WASF3: variants seen among roughly 807,000 people sequenced by gnomAD.
The protein encoded by WASF3 is actin-binding protein WASF3.
Under a neutral mutation model 46.6 loss-of-function variants are expected in WASF3, and 11 were observed. That is an observed-to-expected ratio of 0.24 (90% CI 0.15 to 0.39). The LOEUF is 0.39. Ranked by LOEUF, WASF3 falls within the 10% of genes least tolerant of loss-of-function variation. The probability of loss-of-function intolerance (pLI) is 1.00; values close to 1 mark genes in which losing one functional copy is unlikely to be tolerated. For missense variants in WASF3, 576 were observed against 669.8 expected (o/e 0.86, Z 1.55); for synonymous variants, 242 against 259.7 (o/e 0.93, Z 0.65).
chr13:26,664,183 G>A (rs1882707612), intron 3 of WASF3, among the ~76,000 whole-genome samples: 1 of 152,194 alleles, frequency 6.6e-6, no homozygotes. Context: ...TTCTTCCTGG[G>A]AGGTTCAGGT....
intron 1 of WASF3, chr13:26,577,420 T>C: frequency 1.3e-6 from 1 of 790,650 alleles, no homozygotes; most frequent in East Asian, 2.4e-5. Flanking sequence ...TGCAGAAAAA[T>C]GACTTGAAAG....
chr13:26,664,717 T>TA (rs1882721286), intron 3 of WASF3, among the ~76,000 whole-genome samples: 2 of 152,248 alleles, frequency 1.3e-5, no homozygotes, highest in Non-Finnish European at 2.9e-5. Flanking sequence ...TATTTACACT[T>TA]AAAGCGTGAA....
At chr13:26,621,308 A>G (rs1339588685) in intron 2 of WASF3, among the ~76,000 whole-genome samples, 1 of 152,220 alleles carries the variant, frequency 6.6e-6, no homozygotes, top group Non-Finnish European at 1.5e-5. Flanking sequence ...TAGCTAAAGC[A>G]TCATGAAAAC....
At chr13:26,675,035 CG>C (rs1883023097) in intron 6 of WASF3, among the ~76,000 whole-genome samples, 1 of 152,166 alleles carries the variant, frequency 6.6e-6, no homozygotes, top group African/African-American at 2.4e-5. Context: ...CCTCTGAAAA[CG>C]GTCCAGTTTT....
intron 6 of WASF3, among the ~76,000 whole-genome samples, chr13:26,675,151 G>A (rs983232596): frequency 1.3e-5 from 2 of 151,968 alleles, no homozygotes; most frequent in Non-Finnish European, 2.9e-5. Flanking sequence ...TTTGTTTTCT[G>A]TAACACAGAG....
chr13:26,681,569 T>C (rs775831146), intron 8 of WASF3, among the ~76,000 whole-genome samples: 1 of 152,204 alleles, frequency 6.6e-6, no homozygotes, highest in East Asian at 1.9e-4. Flanking sequence ...TCTGGGTGTT[T>C]GAATGGCTCT....
rs147150601 is a variant in WASF3, at chr13:26,654,314, T to C, written c.134-10714T>C. ...AGGTTCTTTCCCTAGATATTCATCT[T>C]CCCCCTCTTCAGTCACTTGATACCA... is the stretch of plus-strand genomic sequence containing the variant. On this transcript the variant is annotated intron_variant, in intron 3 of 9. Transcript: ENST00000335327. Among the ~76,000 whole-genome samples, 855 of 152,282 alleles carry C rather than the reference T, an allele frequency of 5.6e-3. 6 individuals are homozygous for C. Among genetic ancestry groups the C allele is most frequent in the Middle Eastern group, 6.8e-3 (2 of 294 alleles).
chr13:26,636,403 C>T (rs1338397377), intron 2 of WASF3, among the ~76,000 whole-genome samples: 1 of 152,198 alleles, frequency 6.6e-6, no homozygotes, highest in Non-Finnish European at 1.5e-5. Flanking sequence ...CCTGTTTTTC[C>T]AGGTAGTCTG....
intron 7 of WASF3, among the ~76,000 whole-genome samples, chr13:26,680,402 G>A (rs1439164307): frequency 1.3e-5 from 2 of 152,096 alleles, no homozygotes; most frequent in Admixed American, 1.3e-4. Context: ...CAGGAATCCC[G>A]TCCCTGCACC....
At chr13:26,622,457 G>A (rs115159214) in intron 2 of WASF3, among the ~76,000 whole-genome samples, 2,569 of 152,326 alleles carry the variant, frequency 0.017, 37 homozygotes, top group African/African-American at 0.045. Context: ...GTGGGCTTCA[G>A]TTTATTTGCC....
At chr13:26,570,392 A>G (rs954809855) in intron 1 of WASF3, among the ~76,000 whole-genome samples, 6 of 152,226 alleles carry the variant, frequency 3.9e-5, no homozygotes, top group Non-Finnish European at 5.9e-5. Flanking sequence ...CCGTAGTTTC[A>G]GAGAAGTGTC....
chr13:26,686,973 A>G lies in WASF3; in HGVS notation c.*1128A>G, dbSNP rs1337771167. On this transcript the variant is annotated 3_prime_UTR_variant, in exon 10 of 10. Transcript: ENST00000335327. ...GGCCTTCACCCTGTTCTAGAAGCAC[A>G]TGGTTGTCCTCCTGTTGTTGGCACA... 6.6e-6 allele frequency: 1 copy of G among 152,320 alleles called. No homozygotes were observed. Among genetic ancestry groups the G allele is most frequent in the Non-Finnish European group, 1.5e-5 (1 of 68,110 alleles). 9.4% of individuals were successfully genotyped at this position (152,320 alleles called of 1,614,324 possible). A position where few individuals can be genotyped will look rare whatever the true frequency, so the allele number is the denominator to read the frequency against.
chr13:26,662,481 G>A (rs1315903910), intron 3 of WASF3, among the ~76,000 whole-genome samples: 1 of 152,182 alleles, frequency 6.6e-6, no homozygotes, highest in Non-Finnish European at 1.5e-5. Context: ...GAAGAATGAA[G>A]TCATGTCTTT....
chr13:26,604,811 C>T (rs1202438871), intron 1 of WASF3, among the ~76,000 whole-genome samples: 1 of 152,190 alleles, frequency 6.6e-6, no homozygotes, highest in Admixed American at 6.5e-5. Flanking sequence ...ATCTCAAGGG[C>T]CTCCCTGGAA....
chr13:26,578,062 C>G (rs528853830), intron 1 of WASF3, among the ~76,000 whole-genome samples: 1 of 152,290 alleles, frequency 6.6e-6, no homozygotes, highest in South Asian at 2.1e-4. Flanking sequence ...ATGAAATTGA[C>G]TAGCAAGACA....
At chr13:26,568,189 C>T (rs1319858859) in intron 1 of WASF3, among the ~76,000 whole-genome samples, 1 of 152,096 alleles carries the variant, frequency 6.6e-6, no homozygotes, top group African/African-American at 2.4e-5. Context: ...TGAGCAGGGA[C>T]ATGATACCAT....
chr13:26,684,158 C>G (rs933807044), intron 9 of WASF3, among the ~76,000 whole-genome samples: 8 of 152,152 alleles, frequency 5.3e-5, no homozygotes, highest in Non-Finnish European at 1.0e-4. Context: ...CCAGGGTCCT[C>G]TGTGTACCTG....
rs762542009 is a variant in WASF3, at chr13:26,665,074, C to A, written c.180C>A (p.Asn60Lys). The part of the protein sequence containing the change: ...DIFGELFNEA[N>K]NFYIRANSLQ... ...TTGGTGAGTTGTTTAATGAGGCTAA[C>A]AACTTCTACATCAGAGCAAATTCTC... The change falls in exon 4 of 10, where the codon AAC becomes AAA. Residue 60 changes from asparagine (N) to lysine (K), a missense_variant. By Grantham distance (94) the Asn-to-Lys change is moderately conservative. Around this residue, in one of 3 missense-constraint regions of WASF3, gnomAD observed 213 missense variants for 278.0 expected, o/e 0.77. Transcript: ENST00000335327. 1.2e-5 allele frequency: 20 copies of A among 1,614,138 alleles called. No individual in the cohort carries two copies. In the Admixed American group the frequency reaches 2.3e-4, roughly 19 times the overall value.
At chr13:26,628,203 G>A (rs1045021738) in intron 2 of WASF3, among the ~76,000 whole-genome samples, 1 of 152,142 alleles carries the variant, frequency 6.6e-6, no homozygotes, top group Non-Finnish European at 1.5e-5. Flanking sequence ...CCATCTGCCT[G>A]GGGCTCCAAA....
Sources: allele counts gnomAD v4.1 joint callset (sites outside exome capture counted in the v4.1 genomes callset), GRCh38; gene constraint gnomAD v4.1.1; regional missense constraint gnomAD v4.1.1; transcripts MANE v1.5; gene names NCBI Gene and HGNC (gene_info 2026-07-23, HGNC 2026-07-21).